The following USH2A variants were observed in gnomAD, a reference collection of about 807,000 sequenced individuals.
USH2A encodes usherin.
In USH2A, 443 loss-of-function variants were observed where a neutral mutation model predicts 538.9. The observed-to-expected ratio is 0.82, with a 90% CI of 0.76 to 0.89. The LOEUF (loss-of-function observed/expected upper bound fraction) is 0.89, where lower values mean the gene tolerates loss of function less well. USH2A is among the 40% of genes least tolerant of loss of function. USH2A has a pLI of 0.00. For synonymous variants in USH2A, 2,413 were observed against 2,273.5 expected (o/e 1.06, Z -1.75); for missense variants, 6,633 against 6,324.8 (o/e 1.05, Z -1.65).
chr1:216,131,938 T>C (rs2033385146), intron 21 of USH2A, among the ~76,000 whole-genome samples: 2 of 152,112 alleles, frequency 1.3e-5, no homozygotes, highest in Non-Finnish European at 1.5e-5. Flanking sequence ...CAGAAAGGCA[T>C]GGTAATTATC....
rs184891631 is a variant in USH2A, at chr1:215,817,414, C to T, written c.9372-219G>A. On this transcript the variant is annotated intron_variant, in intron 47 of 71. Coordinates refer to ENST00000307340, the MANE Select transcript of USH2A (RefSeq NM_206933.4). ...GGTTTATTACTTTCAGTTTCAAAGA[C>T]AAGAAGCAAGTGTCACTATGGCTAA... is the stretch of plus-strand genomic sequence containing the variant. Among the ~76,000 whole-genome samples the T allele has an allele frequency of 2.5e-3, 381 of 151,900 alleles. 1 individual carries two copies. The highest frequency in any genetic ancestry group is 8.5e-3 in the African/African-American group (351 of 41,472).
intron 64 of USH2A, among the ~76,000 whole-genome samples, chr1:215,663,722 C>T (rs1657515748): frequency 2.0e-5 from 3 of 152,086 alleles, no homozygotes. Context: ...TCTTTCCACT[C>T]TAAGGTGGAT....
Position 215,936,970 on chromosome 1 carries a change from A to G in USH2A, c.7121-2175T>C, listed in dbSNP as rs565885564. On this transcript the variant is annotated intron_variant, in intron 37 of 71. Transcript: ENST00000307340. ...GTAAAAACATACAAAAAGTTATTTA[A>G]AAAGATACTTATAACCATTTAGGGA... 1.7e-4 allele frequency among the ~76,000 whole-genome samples: 26 copies of G among 152,266 alleles called. No individual in the cohort carries two copies. The South Asian group carries it at 2.7e-3, about 16-fold the overall frequency.
At chr1:215,961,625 A>C (rs1254082802) in intron 37 of USH2A, among the ~76,000 whole-genome samples, 1 of 151,748 alleles carries the variant, frequency 6.6e-6, no homozygotes, top group African/African-American at 2.4e-5. Context: ...CAAGGCAATA[A>C]AATATATTCT....
intron 19 of USH2A, among the ~76,000 whole-genome samples, chr1:216,192,296 C>A (rs939168470): frequency 2.0e-5 from 3 of 152,036 alleles, no homozygotes; most frequent in Admixed American, 2.0e-4. Flanking sequence ...AGTTCAGATA[C>A]AAATTTAATC....
chr1:215,796,547 T>A (rs1035412705), intron 50 of USH2A, among the ~76,000 whole-genome samples: 1 of 152,092 alleles, frequency 6.6e-6, no homozygotes, highest in Non-Finnish European at 1.5e-5. Context: ...TTGATGAGCG[T>A]CCTGTGTGTT....
intron 20 of USH2A, among the ~76,000 whole-genome samples, chr1:216,189,845 C>CAGGACACTGCT (rs1422980747): frequency 6.6e-6 from 1 of 151,900 alleles, no homozygotes; most frequent in Non-Finnish European, 1.5e-5. Context: ...TCACAATTGT[C>CAGGACACTGCT]AGGACACTGC....
intron 63 of USH2A, among the ~76,000 whole-genome samples, chr1:215,673,819 A>C (rs533935538): frequency 6.6e-6 from 1 of 152,274 alleles, no homozygotes; most frequent in East Asian, 1.9e-4. Flanking sequence ...GACTAGCCTC[A>C]TCTCTGTCCT....
intron 4 of USH2A, among the ~76,000 whole-genome samples, chr1:216,353,016 C>T (rs577444206): frequency 9.9e-5 from 15 of 151,910 alleles, no homozygotes; most frequent in Non-Finnish European, 2.1e-4. Flanking sequence ...TGGGAAGAGT[C>T]GTCCTCTTTG....
chr1:216,126,768 ATAGATT>A (rs1348394142), intron 21 of USH2A, among the ~76,000 whole-genome samples: 2 of 152,210 alleles, frequency 1.3e-5, no homozygotes, highest in Non-Finnish European at 1.5e-5. Flanking sequence ...ATTTGATTAA[ATAGATT>A]TAAAGTTGAA....
At chr1:216,374,905 C>T (rs1313749168) in intron 3 of USH2A, among the ~76,000 whole-genome samples, 1 of 152,128 alleles carries the variant, frequency 6.6e-6, no homozygotes, top group Admixed American at 6.6e-5. Flanking sequence ...ATCCTGGTTC[C>T]TCTAAGAGAT....
At chr1:216,067,210 A>G (rs773877116) in intron 30 of USH2A, among the ~76,000 whole-genome samples, 3 of 152,132 alleles carry the variant, frequency 2.0e-5, no homozygotes, top group Non-Finnish European at 4.4e-5. Flanking sequence ...GAATTGAACA[A>G]TGAGAACACA....
intron 55 of USH2A, among the ~76,000 whole-genome samples, chr1:215,767,824 C>T (rs573395512): frequency 1.4e-4 from 21 of 152,244 alleles, no homozygotes; most frequent in African/African-American, 5.1e-4. Flanking sequence ...AGCTCAGCAG[C>T]ATTCAACAAG....
chr1:216,320,118 C>T (rs934385220), intron 9 of USH2A, among the ~76,000 whole-genome samples: 1 of 152,048 alleles, frequency 6.6e-6, no homozygotes, highest in Admixed American at 6.6e-5. Flanking sequence ...GAAATGTGAT[C>T]CCCAGTGTTG....
chr1:216,174,629 G>A (rs548989073), intron 21 of USH2A: 15 of 984,004 alleles, frequency 1.5e-5, no homozygotes, highest in African/African-American at 1.2e-4. Context: ...TTTTGTGACC[G>A]AAACAAGAGC....
chr1:216,174,620 T>G, intron 21 of USH2A: 1 of 984,246 alleles, frequency 1.0e-6, no homozygotes. Flanking sequence ...GCCTTTAAAT[T>G]TTGTGACCGA....
intron 52 of USH2A, among the ~76,000 whole-genome samples, chr1:215,785,038 C>G (rs765122302): frequency 2.0e-5 from 3 of 152,156 alleles, no homozygotes; most frequent in Non-Finnish European, 4.4e-5. Context: ...AAATTGTCCT[C>G]TATCTGAGGC....
intron 11 of USH2A, among the ~76,000 whole-genome samples, chr1:216,283,332 C>T (rs1433625024): frequency 6.6e-6 from 1 of 152,188 alleles, no homozygotes; most frequent in Admixed American, 6.5e-5. Flanking sequence ...CCTCGTGATC[C>T]ACCCGCCTCG....
intron 22 of USH2A, among the ~76,000 whole-genome samples, chr1:216,090,681 A>G (rs1184547148): frequency 6.6e-6 from 1 of 152,134 alleles, no homozygotes; most frequent in Non-Finnish European, 1.5e-5. Flanking sequence ...TCGTAGTTTA[A>G]TAATTAAAAC....
Sources: allele counts gnomAD v4.1 joint callset (sites outside exome capture counted in the v4.1 genomes callset), GRCh38; gene constraint gnomAD v4.1.1; transcripts MANE v1.5; gene names NCBI Gene and HGNC (gene_info 2026-07-23, HGNC 2026-07-21).